Variants in FSAF1 observed in about 807,000 individuals in gnomAD.
The protein encoded by FSAF1 is uncharacterized protein C1orf131.
chr1:231,226,901 T>C, the FSAF1 span: 1 of 1,600,714 alleles, frequency 6.2e-7, no homozygotes, highest in East Asian at 2.2e-5. Flanking sequence ...TGCCCTGACT[T>C]GCTCTTAGCT....
At chr1:231,235,913 G>A in the FSAF1 span, among the ~76,000 whole-genome samples, 2 of 152,202 alleles carry the variant, frequency 1.3e-5, no homozygotes, top group Non-Finnish European at 2.9e-5. Context: ...ACAAGTTCTG[G>A]AAAAATAGGG....
the FSAF1 span, chr1:231,238,784 C>T: frequency 7.1e-7 from 1 of 1,404,982 alleles, no homozygotes. Context: ...CTGCCACAGT[C>T]TAAAGAGCTA....
chr1:231,226,967 C>T, the FSAF1 span: 1 of 1,614,098 alleles, frequency 6.2e-7, no homozygotes, highest in South Asian at 1.1e-5. Context: ...AGCAGCAGCC[C>T]CTCACCTTAG....
the FSAF1 span, among the ~76,000 whole-genome samples, chr1:231,227,794 T>G: frequency 6.6e-6 from 1 of 151,292 alleles, no homozygotes; most frequent in South Asian, 2.1e-4. Flanking sequence ...TTTCACCGTG[T>G]TAGCCAGGAT....
chr1:231,234,597 T>C, the FSAF1 span, among the ~76,000 whole-genome samples: 1 of 152,194 alleles, frequency 6.6e-6, no homozygotes, highest in East Asian at 1.9e-4. This position sits in a 1 kb window ranked among gnomAD's most constrained non-coding sequence, Gnocchi z 4.0. Flanking sequence ...ATTCACCACA[T>C]AGGAGCTACA....
chr1:231,234,832 T>C, the FSAF1 span, among the ~76,000 whole-genome samples: 2 of 152,140 alleles, frequency 1.3e-5, no homozygotes, highest in Non-Finnish European at 2.9e-5. The surrounding 1 kb of genome is among the most constrained non-coding windows in gnomAD (Gnocchi z 4.0). Flanking sequence ...GGCCTCTTCA[T>C]ACCCCACAAT....
At chr1:231,234,479 A>C in the FSAF1 span, among the ~76,000 whole-genome samples, 1 of 152,104 alleles carries the variant, frequency 6.6e-6, no homozygotes, top group Middle Eastern at 3.2e-3. This position sits in a 1 kb window ranked among gnomAD's most constrained non-coding sequence, Gnocchi z 4.0. Flanking sequence ...TTGCCCATTC[A>C]TTTTTTTGAG....
At chr1:231,239,125 T>A in the FSAF1 span, 1 of 1,609,590 alleles carries the variant, frequency 6.2e-7, no homozygotes, top group Non-Finnish European at 8.5e-7. Flanking sequence ...AGCCATCACA[T>A]CTCTCTTCTT....
At chr1:231,235,284 A>C in the FSAF1 span, among the ~76,000 whole-genome samples, 1 of 152,142 alleles carries the variant, frequency 6.6e-6, no homozygotes, top group Non-Finnish European at 1.5e-5. Context: ...GCAGATCACG[A>C]GGTCAAGATC....
the FSAF1 span, chr1:231,225,775 T>G: frequency 2.1e-6 from 1 of 485,016 alleles, no homozygotes; most frequent in Non-Finnish European, 3.7e-6. Context: ...GATCACTTGA[T>G]CCCAGGAGTT....
At chr1:231,225,487 T>C in the FSAF1 span, 1 of 1,613,898 alleles carries the variant, frequency 6.2e-7, no homozygotes, top group Non-Finnish European at 8.5e-7. Context: ...TCCTGTCCTT[T>C]CCTCTTCTTT....
At chr1:231,234,713 A>G in the FSAF1 span, among the ~76,000 whole-genome samples, 1 of 152,200 alleles carries the variant, frequency 6.6e-6, no homozygotes, top group East Asian at 1.9e-4. The surrounding 1 kb of genome is among the most constrained non-coding windows in gnomAD (Gnocchi z 4.0). Flanking sequence ...ACTACTGCCT[A>G]TGAGACCTGG....
the FSAF1 span, among the ~76,000 whole-genome samples, chr1:231,231,638 G>A: frequency 6.6e-6 from 1 of 152,200 alleles, no homozygotes; most frequent in African/African-American, 2.4e-5. Context: ...AGATTAGCAT[G>A]AGAATGGAGC....
At chr1:231,238,763 G>T in the FSAF1 span, 1 of 1,235,108 alleles carries the variant, frequency 8.1e-7, no homozygotes, top group Non-Finnish European at 1.1e-6. Flanking sequence ...CCTGAGGATA[G>T]TCAGGCATTC....
At chr1:231,227,021 T>C in the FSAF1 span, 3 of 1,614,104 alleles carry the variant, frequency 1.9e-6, no homozygotes, top group Non-Finnish European at 2.5e-6. Flanking sequence ...TTCTCTCCTT[T>C]CCTTTTCCAT....
At chr1:231,235,901 G>A in the FSAF1 span, among the ~76,000 whole-genome samples, 9 of 152,202 alleles carry the variant, frequency 5.9e-5, no homozygotes, top group Non-Finnish European at 1.3e-4. Flanking sequence ...AGAATTTATA[G>A]CACAAGTTCT....
the FSAF1 span, among the ~76,000 whole-genome samples, chr1:231,231,929 T>C: frequency 1.4e-4 from 22 of 152,114 alleles, no homozygotes; most frequent in African/African-American, 5.1e-4. Context: ...TACCTCGGTG[T>C]CCTCATCCCT....
the FSAF1 span, chr1:231,223,970 A>G: frequency 4.2e-6 from 1 of 240,906 alleles, no homozygotes; most frequent in African/African-American, 2.2e-5. Flanking sequence ...GTTATAAAAA[A>G]CTGTATTACA....
chr1:231,241,088 C>T, the FSAF1 span: 7 of 1,613,992 alleles, frequency 4.3e-6, no homozygotes, highest in South Asian at 4.4e-5. Context: ...GCGTGGAGGA[C>T]CCCGGCCCTT....
Sources: gnomAD v4.1 joint callset for allele counts (sites outside exome capture counted in the v4.1 genomes callset) on GRCh38, gnomAD v4.1.1 for gene constraint, Gnocchi (gnomAD v3.1) non-coding constraint, MANE v1.5 for transcripts, NCBI Gene and HGNC (gene_info 2026-07-23, HGNC 2026-07-21) for gene names.